Variants in FAM107B observed in about 807,000 individuals in gnomAD.
The protein encoded by FAM107B is protein FAM107B.
Under a neutral mutation model 31.5 loss-of-function variants are expected in FAM107B, and 21 were observed. The ratio of observed to expected loss-of-function variants is 0.67; its 90% CI spans 0.47 to 0.96. FAM107B has a LOEUF of 0.96. FAM107B is among the 40% of genes least tolerant of loss of function. The pLI is 0.00. For synonymous variants in FAM107B, 157 were observed against 141.5 expected, an observed-to-expected ratio of 1.11 and a Z score of -0.78; for missense variants, 452 against 377.1, an observed-to-expected ratio of 1.20 and a Z score of -1.64.
intron 1 of FAM107B, among the ~76,000 whole-genome samples, chr10:14,757,332 AAG>A: frequency 6.6e-6 from 1 of 151,920 alleles, no homozygotes; most frequent in Non-Finnish European, 1.5e-5. Context: ...AAAAAAAAAA[AAG>A]ACTGCAGTGT....
intron 1 of FAM107B, among the ~76,000 whole-genome samples, chr10:14,712,153 C>T (rs903217628): frequency 2.6e-5 from 4 of 152,022 alleles, no homozygotes; most frequent in African/African-American, 4.8e-5. Context: ...TGATAGTTTT[C>T]GAAGGTACAG....
chr10:14,725,203 C>T (rs1003476171), intron 1 of FAM107B, among the ~76,000 whole-genome samples: 11 of 152,054 alleles, frequency 7.2e-5, no homozygotes, highest in African/African-American at 1.7e-4. Flanking sequence ...CAGGCTTGTG[C>T]GGCTGGCTTA....
chr10:14,527,183 C>CA (rs1564524307), intron 3 of FAM107B, among the ~76,000 whole-genome samples: 79 of 145,726 alleles, frequency 5.4e-4, no homozygotes, highest in African/African-American at 1.9e-3. Flanking sequence ...AATCTTTTAA[C>CA]CAAAAAAAAA....
At chr10:14,696,083 G>A (rs1441591440) in intron 1 of FAM107B, among the ~76,000 whole-genome samples, 1 of 152,172 alleles carries the variant, frequency 6.6e-6, no homozygotes, top group Admixed American at 6.5e-5. Context: ...CCTTTCAGTT[G>A]TTCCCCATTT....
At chr10:14,617,574 C>T (rs888351820) in intron 2 of FAM107B, among the ~76,000 whole-genome samples, 1 of 152,084 alleles carries the variant, frequency 6.6e-6, no homozygotes, top group Non-Finnish European at 1.5e-5. Flanking sequence ...TGATGAAACA[C>T]GTAAGTGGCT....
chr10:14,752,840 G>C (rs1832856789), intron 1 of FAM107B, among the ~76,000 whole-genome samples: 1 of 151,848 alleles, frequency 6.6e-6, no homozygotes, highest in Non-Finnish European at 1.5e-5. Flanking sequence ...GCTGAGGCCA[G>C]AGGACTGCTT....
intron 2 of FAM107B, among the ~76,000 whole-genome samples, chr10:14,544,167 G>A (rs149421964): frequency 5.4e-4 from 82 of 152,238 alleles, no homozygotes; most frequent in Non-Finnish European, 9.7e-4. Context: ...TCTGTATCCT[G>A]GGGCTCCCAG....
chr10:14,628,711 T>C (rs1446678940), intron 2 of FAM107B, among the ~76,000 whole-genome samples: 1 of 152,218 alleles, frequency 6.6e-6, no homozygotes, highest in Non-Finnish European at 1.5e-5. Flanking sequence ...TTGTGCATGA[T>C]TTATATTTTA....
At chr10:14,621,776 G>T (rs1299521381) in intron 2 of FAM107B, among the ~76,000 whole-genome samples, 1 of 151,936 alleles carries the variant, frequency 6.6e-6, no homozygotes, top group Non-Finnish European at 1.5e-5. Context: ...GGTGGCACCA[G>T]CCCCATTCCA....
At chr10:14,697,593 CTT>C (rs1212750645) in intron 1 of FAM107B, among the ~76,000 whole-genome samples, 2 of 152,194 alleles carry the variant, frequency 1.3e-5, no homozygotes, top group East Asian at 3.8e-4. Context: ...TTTCTAAAGA[CTT>C]TACCTCTAGG....
Position 14,569,742 on chromosome 10 carries a change from T to C in FAM107B, c.470-39227A>G, listed in dbSNP as rs1018436537. On this transcript the variant is annotated intron_variant, in intron 2 of 4. Coordinates refer to ENST00000181796, the MANE Select transcript of FAM107B (RefSeq NM_031453.4). ...AACCAAGGTTCCTCTGTCTCTTCTC[T>C]GAAATAATCAAGTTCTTTCTTCCCT... 2.3e-4 allele frequency among the ~76,000 whole-genome samples: 35 copies of C among 152,210 alleles called. 1 individual carries two copies. Among genetic ancestry groups the C allele is most frequent in the African/African-American group, 8.4e-4 (35 of 41,458 alleles).
intron 2 of FAM107B, among the ~76,000 whole-genome samples, chr10:14,608,192 G>A (rs745321507): frequency 3.4e-4 from 52 of 152,292 alleles, no homozygotes; most frequent in Middle Eastern, 3.4e-3. Flanking sequence ...ATGCCCTCAA[G>A]GAGGGAAATT....
intron 1 of FAM107B, among the ~76,000 whole-genome samples, chr10:14,759,926 G>T (rs1833010598): frequency 6.6e-6 from 1 of 152,054 alleles, no homozygotes; most frequent in African/African-American, 2.4e-5. Context: ...TGGCCGGGCT[G>T]GTCTCAAACT....
At chr10:14,718,294 T>A (rs994518588) in intron 1 of FAM107B, among the ~76,000 whole-genome samples, 4 of 150,542 alleles carry the variant, frequency 2.7e-5, no homozygotes, top group African/African-American at 9.8e-5. Context: ...ACCACTGCAC[T>A]CCAACTTTGG....
intron 2 of FAM107B, among the ~76,000 whole-genome samples, chr10:14,622,060 C>T (rs972475336): frequency 6.6e-6 from 1 of 152,190 alleles, no homozygotes; most frequent in African/African-American, 2.4e-5. Flanking sequence ...CATGGAGTAA[C>T]ATTCCTGGCT....
At chr10:14,570,233 GGT>G (rs57206586) in intron 2 of FAM107B, among the ~76,000 whole-genome samples, 29,617 of 139,956 alleles carry the variant, frequency 0.21, 3,313 homozygotes, top group Admixed American at 0.3. Flanking sequence ...AAATGTGGTG[GGT>G]GTGTGTGTGT....
chr10:14,576,159 T>C (rs528327271), intron 2 of FAM107B, among the ~76,000 whole-genome samples: 3 of 152,312 alleles, frequency 2.0e-5, no homozygotes, highest in African/African-American at 7.2e-5. Context: ...TGGAGATGGA[T>C]GGTGGAGATG....
chr10:14,773,054 C>T (rs1833342855), intron 1 of FAM107B, among the ~76,000 whole-genome samples: 1 of 152,096 alleles, frequency 6.6e-6, no homozygotes, highest in African/African-American at 2.4e-5. Flanking sequence ...CTGGATGTGG[C>T]TATACACTGA....
At chr10:14,536,488 G>C (rs1847622090) in intron 2 of FAM107B, among the ~76,000 whole-genome samples, 1 of 152,166 alleles carries the variant, frequency 6.6e-6, no homozygotes, top group African/African-American at 2.4e-5. Flanking sequence ...GCCTGAAAAG[G>C]GAAAGACACC....
Sources: allele counts gnomAD v4.1 joint callset (sites outside exome capture counted in the v4.1 genomes callset), GRCh38; gene constraint gnomAD v4.1.1; transcripts MANE v1.5; gene names NCBI Gene and HGNC (gene_info 2026-07-23, HGNC 2026-07-21).